SAXO1: variants seen among roughly 807,000 people sequenced by gnomAD.
SAXO1 encodes stabilizer of axonemal microtubules 1.
A neutral mutation model predicts 17.5 loss-of-function variants in SAXO1; 21 were observed. That is an observed-to-expected ratio of 1.20 (90% CI 0.85 to 1.72). The LOEUF (loss-of-function observed/expected upper bound fraction) is 1.72, where lower values mean the gene tolerates loss of function less well. Among genes scored for constraint, SAXO1 ranks in the 40% most tolerant of loss-of-function variants. The probability of loss-of-function intolerance (pLI) is 0.00; values close to 1 mark genes in which losing one functional copy is unlikely to be tolerated. For missense variants in SAXO1, 843 were observed against 596.0 expected (o/e 1.41, Z -4.32); for synonymous variants, 274 against 216.5 (o/e 1.27, Z -2.33).
At chr9:18,963,222 T>C (rs1407438973) in intron 1 of SAXO1, among the ~76,000 whole-genome samples, 4 of 152,226 alleles carry the variant, frequency 2.6e-5, no homozygotes, top group African/African-American at 9.6e-5. Flanking sequence ...TAGTTTGAAG[T>C]CAGGCAGCAT....
chr9:18,937,926 A>C (rs1831367824), intron 3 of SAXO1, among the ~76,000 whole-genome samples: 1 of 152,260 alleles, frequency 6.6e-6, no homozygotes, highest in Admixed American at 6.5e-5. Flanking sequence ...CTCATAAGAC[A>C]CACATGTTGC....
chr9:19,044,064 G>C (rs921660509), intron 1 of SAXO1, among the ~76,000 whole-genome samples: 3 of 151,300 alleles, frequency 2.0e-5, no homozygotes, highest in Non-Finnish European at 4.4e-5. Context: ...AGAATCACTT[G>C]AACCCAGGAG....
chr9:19,012,514 G>C (rs556168425), intron 1 of SAXO1, among the ~76,000 whole-genome samples: 1 of 152,184 alleles, frequency 6.6e-6, no homozygotes. Context: ...AATGTGGCAC[G>C]AACCATATGG....
At chr9:19,002,234 T>C (rs1326990431) in intron 1 of SAXO1, among the ~76,000 whole-genome samples, 3 of 152,152 alleles carry the variant, frequency 2.0e-5, no homozygotes, top group Non-Finnish European at 4.4e-5. Flanking sequence ...TAACAGGTTC[T>C]GAAATTGAGG....
chr9:18,986,764 A>T (rs1833610943), intron 1 of SAXO1, among the ~76,000 whole-genome samples: 1 of 152,250 alleles, frequency 6.6e-6, no homozygotes, highest in Non-Finnish European at 1.5e-5. Flanking sequence ...TGCATACTGC[A>T]CAAGAGTGAC....
Position 19,004,838 on chromosome 9 carries a change from C to T in SAXO1, c.38+28033G>A, listed in dbSNP as rs536717077. Among the ~76,000 whole-genome samples, 458 of 152,080 alleles carry T rather than the reference C, an allele frequency of 3.0e-3. 7 individuals are homozygous for T. In the South Asian group the frequency reaches 0.044, roughly 15 times the overall value. ...CTATGTAGCAAACCTGCACATTGTGCACATGTACGCTAGAACTTAGAGTAA... is the reference window on the plus strand; with the variant it reads ...CTATGTAGCAAACCTGCACATTGTGTACATGTACGCTAGAACTTAGAGTAA... On this transcript the variant is annotated intron_variant, in intron 1 of 3. Coordinates refer to ENST00000380534, the MANE Select transcript of SAXO1 (RefSeq NM_153707.4).
At chr9:19,001,663 C>CAAA (rs78327852) in intron 1 of SAXO1, among the ~76,000 whole-genome samples, 2 of 130,692 alleles carry the variant, frequency 1.5e-5, no homozygotes, top group Non-Finnish European at 3.2e-5. Context: ...AAGACTCCGT[C>CAAA]AAAAAAAAAA....
At chr9:19,016,939 C>A (rs1006962557) in intron 1 of SAXO1, among the ~76,000 whole-genome samples, 4 of 151,866 alleles carry the variant, frequency 2.6e-5, no homozygotes, top group African/African-American at 9.7e-5. Flanking sequence ...CCCTGACAAC[C>A]ACCCACCTTC....
intron 2 of SAXO1, among the ~76,000 whole-genome samples, chr9:18,942,781 C>T (rs145011497): frequency 6.6e-6 from 1 of 152,230 alleles, no homozygotes; most frequent in East Asian, 1.9e-4. Flanking sequence ...GGGCTTAGCT[C>T]GGACTTGTGT....
chr9:18,995,668 C>A (rs1358833358), intron 1 of SAXO1, among the ~76,000 whole-genome samples: 1 of 152,164 alleles, frequency 6.6e-6, no homozygotes, highest in Non-Finnish European at 1.5e-5. Context: ...ACAGTTTTTT[C>A]AAAGTCCCCA....
At chr9:19,021,110 G>A (rs1835215421) in intron 1 of SAXO1, among the ~76,000 whole-genome samples, 1 of 152,124 alleles carries the variant, frequency 6.6e-6, no homozygotes. Context: ...CCCTCCTGAT[G>A]CTCAGCTGAT....
intron 1 of SAXO1, among the ~76,000 whole-genome samples, chr9:18,957,926 C>A (rs552197534): frequency 6.6e-6 from 1 of 152,258 alleles, no homozygotes; most frequent in African/African-American, 2.4e-5. Context: ...ATGATATACC[C>A]AGAGGCCAAA....
intron 1 of SAXO1, among the ~76,000 whole-genome samples, chr9:18,984,041 C>T (rs1055038825): frequency 6.1e-5 from 9 of 146,358 alleles, no homozygotes; most frequent in African/African-American, 1.9e-4. Flanking sequence ...TATTCATCTC[C>T]TTATACATCT....
At chr9:19,027,339 A>C (rs1835527230) in intron 1 of SAXO1, 1 of 790,028 alleles carries the variant, frequency 1.3e-6, no homozygotes, top group South Asian at 1.3e-5. Flanking sequence ...GACACTGCCC[A>C]GAGTACGACT....
At chr9:18,942,221 G>A (rs765353075) in intron 2 of SAXO1, among the ~76,000 whole-genome samples, 1 of 152,122 alleles carries the variant, frequency 6.6e-6, no homozygotes, top group Non-Finnish European at 1.5e-5. Context: ...AATGTGGCCA[G>A]AATAAACTCT....
chr9:18,932,635 C>T (rs911506067), intron 3 of SAXO1, among the ~76,000 whole-genome samples: 1 of 152,164 alleles, frequency 6.6e-6, no homozygotes, highest in African/African-American at 2.4e-5. Context: ...GACAACTTTA[C>T]CTTAATAGTA....
intron 1 of SAXO1, among the ~76,000 whole-genome samples, chr9:18,977,452 G>C (rs1833195756): frequency 6.6e-6 from 1 of 152,086 alleles, no homozygotes; most frequent in African/African-American, 2.4e-5. Context: ...CATCTACATA[G>C]GAGGTGTCTA....
chr9:19,028,375 C>CA (rs1020244562), intron 1 of SAXO1, among the ~76,000 whole-genome samples: 27 of 151,414 alleles, frequency 1.8e-4, no homozygotes, highest in Admixed American at 3.9e-4. Context: ...GACTCCGTCT[C>CA]AAAAAAAATA....
chr9:18,928,342 C>T lies in SAXO1; in HGVS notation c.1135G>A (p.Val379Met), dbSNP rs778563521. 3.1e-6 allele frequency: 5 copies of T among 1,612,938 alleles called. No homozygotes were observed. Among genetic ancestry groups the T allele is most frequent in the Non-Finnish European group, 4.2e-6 (5 of 1,179,694 alleles). Residue 379 changes from valine to methionine, a missense_variant, in exon 4 of 4, where the codon GTG becomes ATG. By Grantham distance (21) the Val-to-Met change is conservative. Coordinates refer to ENST00000380534, the MANE Select transcript of SAXO1 (RefSeq NM_153707.4). ...DCLTTTRAHY[V>M]PHLPINTKSC... is the part of the protein sequence containing the mutation. ...TTGGTATTGATAGGCAGGTGGGGCA[C>T]ATAGTGGGCCCGAGTGGTGGTCAGG...
Sources: gnomAD v4.1 joint callset for allele counts (sites outside exome capture counted in the v4.1 genomes callset) on GRCh38, gnomAD v4.1.1 for gene constraint, MANE v1.5 for transcripts, NCBI Gene and HGNC (gene_info 2026-07-23, HGNC 2026-07-21) for gene names.